Variants in SEMA6D observed in about 807,000 individuals in gnomAD.
SEMA6D encodes the protein semaphorin-6D.
SEMA6D carries 35 observed loss-of-function variants against 106.6 expected under a neutral mutation model. The observed-to-expected ratio is 0.33, with a 90% CI of 0.25 to 0.44. The LOEUF is 0.44. Ranked by LOEUF, SEMA6D falls within the 20% of genes least tolerant of loss-of-function variation. The pLI is 1.00. For synonymous variants in SEMA6D, 499 were observed against 487.7 expected, an observed-to-expected ratio of 1.02 and a Z score of -0.31; for missense variants, 1,185 against 1,345.9, an observed-to-expected ratio of 0.88 and a Z score of 1.87.
chr15:47,509,938 T>G (rs1244778714), intron 3 of SEMA6D, among the ~76,000 whole-genome samples: 2 of 152,234 alleles, frequency 1.3e-5, no homozygotes, highest in East Asian at 3.8e-4. Flanking sequence ...TCATTTAAAA[T>G]GTATTGCTCT....
At chr15:47,302,841 A>G (rs1595684679) in intron 1 of SEMA6D, among the ~76,000 whole-genome samples, 3 of 152,032 alleles carry the variant, frequency 2.0e-5, no homozygotes, top group South Asian at 2.1e-4. Context: ...GGAGAGACCC[A>G]TGTTATACTT....
intron 4 of SEMA6D, among the ~76,000 whole-genome samples, chr15:47,669,032 T>C (rs2078087962): frequency 6.6e-6 from 1 of 152,222 alleles, no homozygotes; most frequent in East Asian, 1.9e-4. Flanking sequence ...ATGGTTATCT[T>C]GCTATGTTTG....
intron 1 of SEMA6D, among the ~76,000 whole-genome samples, chr15:47,361,272 G>A (rs2145103354): frequency 6.6e-6 from 1 of 152,256 alleles, no homozygotes; most frequent in East Asian, 1.9e-4. Context: ...TAACGCCATG[G>A]TTTCATTCAG....
At chr15:47,565,807 CA>C (rs1488435558) in intron 3 of SEMA6D, among the ~76,000 whole-genome samples, 1 of 152,162 alleles carries the variant, frequency 6.6e-6, no homozygotes, top group Non-Finnish European at 1.5e-5. Context: ...TTATTCAGTG[CA>C]AAGCGGGAAG....
intron 1 of SEMA6D, among the ~76,000 whole-genome samples, chr15:47,403,715 C>T (rs892998498): frequency 3.3e-5 from 5 of 151,924 alleles, no homozygotes; most frequent in African/African-American, 1.2e-4. Flanking sequence ...AAAGAAGGGC[C>T]CTTCTAGTTA....
intron 1 of SEMA6D, among the ~76,000 whole-genome samples, chr15:47,285,268 C>G (rs1017650411): frequency 6.6e-6 from 1 of 152,050 alleles, no homozygotes; most frequent in African/African-American, 2.4e-5. Flanking sequence ...CTCTGTCTTT[C>G]TCTTTTTTTT....
intron 1 of SEMA6D, among the ~76,000 whole-genome samples, chr15:47,334,884 A>G (rs1171702945): frequency 2.0e-5 from 3 of 152,212 alleles, no homozygotes; most frequent in Admixed American, 2.0e-4. Flanking sequence ...AAGAGAATTC[A>G]AAATAATAAG....
chr15:47,495,314 A>T (rs930231131), intron 3 of SEMA6D, among the ~76,000 whole-genome samples: 2 of 151,906 alleles, frequency 1.3e-5, no homozygotes, highest in South Asian at 4.1e-4. Context: ...AATAAGTTCT[A>T]TTCTCCCTTA....
intron 1 of SEMA6D, among the ~76,000 whole-genome samples, chr15:47,758,343 A>T (rs2081878670): frequency 6.6e-6 from 1 of 152,060 alleles, no homozygotes; most frequent in Admixed American, 6.6e-5. Context: ...ATTTGCAGTG[A>T]CTCTCATGAT....
chr15:47,708,001 T>C (rs1164669004), intron 4 of SEMA6D, among the ~76,000 whole-genome samples: 1 of 152,174 alleles, frequency 6.6e-6, no homozygotes, highest in Non-Finnish European at 1.5e-5. Flanking sequence ...CTGTGTCTTC[T>C]GGTGTATGTT....
chr15:47,702,759 A>G (rs1311877603), intron 4 of SEMA6D, among the ~76,000 whole-genome samples: 2 of 152,208 alleles, frequency 1.3e-5, no homozygotes, highest in African/African-American at 2.4e-5. Flanking sequence ...AAAGAAGCCA[A>G]TATAAACAGG....
chr15:47,747,097 G>A (rs949930896), intron 1 of SEMA6D, among the ~76,000 whole-genome samples: 11 of 151,432 alleles, frequency 7.3e-5, no homozygotes, highest in South Asian at 2.1e-4. Context: ...TCATCTTCCC[G>A]GATAGCAGAT....
chr15:47,316,570 A>G (rs748066965), intron 1 of SEMA6D, among the ~76,000 whole-genome samples: 7 of 149,604 alleles, frequency 4.7e-5, no homozygotes, highest in Non-Finnish European at 8.9e-5. Flanking sequence ...TTTCATTATC[A>G]AGTTGAGGAA....
chr15:47,368,118 A>G (rs2039129199), intron 1 of SEMA6D, among the ~76,000 whole-genome samples: 2 of 152,216 alleles, frequency 1.3e-5, no homozygotes, highest in South Asian at 4.1e-4. Context: ...AGCTACCAGT[A>G]TGCAACACTG....
At position 47,737,561 on chromosome 15, in the gene SEMA6D, T is replaced by C. The variant is rs189471595; in HGVS notation, c.-55+19869T>C. 2.9e-3 allele frequency among the ~76,000 whole-genome samples: 437 copies of C among 152,152 alleles called. 1 individual carries two copies. The highest frequency in any genetic ancestry group is 0.01 in the African/African-American group (421 of 41,514). ...AGTGAACATAAACCTTATATTCTGA[T>C]TTTTTTTCCTTCCTAGTATTGCATC... On this transcript the variant is annotated intron_variant, in intron 1 of 18. Coordinates refer to ENST00000536845, the MANE Select transcript of SEMA6D (RefSeq NM_001358351.3).
chr15:47,384,724 G>A (rs927112944), intron 1 of SEMA6D, among the ~76,000 whole-genome samples: 2 of 151,374 alleles, frequency 1.3e-5, no homozygotes, highest in Admixed American at 6.6e-5. Flanking sequence ...TCTCTAGCCC[G>A]GAGTAAGGCT....
At chr15:47,761,872 C>A in intron 7 of SEMA6D, 121 bp downstream of exon 7, 1 of 881,692 alleles carries the variant, frequency 1.1e-6, no homozygotes, top group South Asian at 1.8e-5. Flanking sequence ...GTTCGAAAGG[C>A]TAGAATCTAT....
At chr15:47,689,662 AGAGACT>A (rs1305327376) in intron 4 of SEMA6D, among the ~76,000 whole-genome samples, 1 of 152,194 alleles carries the variant, frequency 6.6e-6, no homozygotes, top group African/African-American at 2.4e-5. Flanking sequence ...TAACAAGGAG[AGAGACT>A]GGTCTTTAGG....
Position 47,760,840 on chromosome 15 carries a change from T to C in SEMA6D, c.222-138T>C, listed in dbSNP as rs367867073. On this transcript the variant is annotated intron_variant, in intron 3 of 18. Transcript: ENST00000536845. ...ATCTCACTAATGAAAAAGTACTCTT[T>C]GTTGACTTTGTTTGAGACAGAGAAA... The C allele has an allele frequency of 1.3e-5, 10 of 744,204 alleles. No individual in the cohort carries two copies. The East Asian group carries it at 1.4e-4, about 10-fold the overall frequency. 46.1% of individuals were successfully genotyped at this position (744,204 alleles called of 1,614,324 possible). A position where few individuals can be genotyped will look rare whatever the true frequency, so the allele number is the denominator to read the frequency against.
Sources: gnomAD v4.1 joint callset for allele counts (sites outside exome capture counted in the v4.1 genomes callset) on GRCh38, gnomAD v4.1.1 for gene constraint, MANE v1.5 for transcripts, NCBI Gene and HGNC (gene_info 2026-07-23, HGNC 2026-07-21) for gene names.